The following ANO3 variants were observed in gnomAD, a reference collection of about 807,000 sequenced individuals.
The protein encoded by ANO3 is anoctamin 3, also known as anoctamin-3.
Under a neutral mutation model 144.8 loss-of-function variants are expected in ANO3, and 99 were observed. The ratio of observed to expected loss-of-function variants is 0.68; its 90% confidence interval spans 0.58 to 0.81. The LOEUF (loss-of-function observed/expected upper bound fraction) is 0.81, where lower values mean the gene tolerates loss of function less well. Among genes scored for constraint, ANO3 ranks in the 30% least tolerant of loss-of-function variants. ANO3 has a pLI of 0.00. For synonymous variants in ANO3, 414 were observed against 392.6 expected (o/e 1.05, Z -0.64); for missense variants, 905 against 1,202.2 (o/e 0.75, Z 3.66).
intron 3 of ANO3, among the ~76,000 whole-genome samples, chr11:26,451,730 C>T (rs1309289612): frequency 6.6e-6 from 1 of 152,184 alleles, no homozygotes; most frequent in Non-Finnish European, 1.5e-5. Context: ...TTGAAGAGAG[C>T]AGTGGTTCTC....
intron 14 of ANO3, among the ~76,000 whole-genome samples, chr11:26,584,288 A>T (rs1851216283): frequency 6.6e-6 from 1 of 152,034 alleles, no homozygotes; most frequent in Non-Finnish European, 1.5e-5. Context: ...CCTCCCATGT[A>T]GCTGGGATTA....
rs199827545 is a variant in ANO3 at position 26,406,986 on chromosome 11, TTATAGGTGTGTATATA to T, written c.47-34911_47-34896del. Among the ~76,000 whole-genome samples, 165 of 140,742 alleles carry T rather than the reference TTATAGGTGTGTATATA, an allele frequency of 1.2e-3. 2 individuals carry two copies. Among genetic ancestry groups the T allele is most frequent in the African/African-American group, 3.9e-3 (152 of 38,624 alleles). The allele number at this position is 140,742 out of a possible 152,430, so 92.3% of individuals were successfully genotyped here. On this transcript the variant is annotated intron_variant, in intron 1 of 26. Coordinates refer to ENST00000256737, the MANE Select transcript of ANO3 (RefSeq NM_031418.4). ...TATACACACACGTATATATATATAT[TTATAGGTGTGTATATA>T]TATAGGTGTGTATATATATATAGGT...
At chr11:26,404,931 A>ATG (rs779394110) in intron 1 of ANO3, among the ~76,000 whole-genome samples, 439 of 39,272 alleles carry the variant, frequency 0.011, 5 homozygotes, top group East Asian at 0.042. Context: ...GAATTTATAT[A>ATG]TATGTGTGTG....
chr11:26,576,118 G>C (rs1014691824), intron 14 of ANO3, among the ~76,000 whole-genome samples: 2 of 152,142 alleles, frequency 1.3e-5, no homozygotes, highest in Non-Finnish European at 2.9e-5. Flanking sequence ...TAATCACCAA[G>C]GAAGCAGTGT....
chr11:26,246,815 T>G lies in ANO3; in HGVS notation c.154+57485T>G, dbSNP rs78620294. On this transcript the variant is annotated intron_variant, in intron 1 of 27. Coordinates refer to the ANO3 transcript ENST00000672621. The stretch of plus-strand genomic sequence containing the variant: ...GATCTGATGATTTTATAAAAGGCAG[T>G]TCCCCTGTCCAAGCCTTCTTGCCTA... Among the ~76,000 whole-genome samples the G allele has an allele frequency of 8.7e-3, 1,331 of 152,130 alleles. 19 individuals are homozygous for G. The highest frequency in any genetic ancestry group is 0.031 in the African/African-American group (1,276 of 41,500).
At chr11:26,391,822 T>G (rs1564998642) in intron 1 of ANO3, among the ~76,000 whole-genome samples, 1 of 152,128 alleles carries the variant, frequency 6.6e-6, no homozygotes, top group Non-Finnish European at 1.5e-5. Flanking sequence ...ATGGAAACAC[T>G]CATACATTCT....
intron 11 of ANO3, among the ~76,000 whole-genome samples, chr11:26,546,277 G>C (rs921881612): frequency 6.6e-6 from 1 of 151,838 alleles, no homozygotes; most frequent in Non-Finnish European, 1.5e-5. Context: ...TCCTAGGAGA[G>C]AGAGATAAAT....
intron 17 of ANO3, among the ~76,000 whole-genome samples, chr11:26,611,696 G>T (rs1852103582): frequency 2.6e-5 from 4 of 152,042 alleles, no homozygotes; most frequent in Admixed American, 2.6e-4. Flanking sequence ...CCACTGTTGA[G>T]GGTGGGGTGT....
intron 1 of ANO3, among the ~76,000 whole-genome samples, chr11:26,251,012 G>A (rs760948644): frequency 6.6e-6 from 1 of 152,150 alleles, no homozygotes; most frequent in Non-Finnish European, 1.5e-5. Flanking sequence ...CTGACTGGGA[G>A]CTGTGGTTCT....
At chr11:26,625,380 A>AGT (rs752341176) in intron 18 of ANO3, among the ~76,000 whole-genome samples, 17 of 152,310 alleles carry the variant, frequency 1.1e-4, no homozygotes, top group South Asian at 4.1e-4. Flanking sequence ...TGTTCCCTGC[A>AGT]GTGCCCTGTC....
chr11:26,465,527 G>T (rs888155194), intron 4 of ANO3, among the ~76,000 whole-genome samples: 18 of 151,776 alleles, frequency 1.2e-4, no homozygotes, highest in African/African-American at 4.4e-4. Flanking sequence ...AGGGGGGAAA[G>T]TAACTCCTAA....
chr11:26,346,082 A>G (rs1361302490), intron 1 of ANO3, among the ~76,000 whole-genome samples: 2 of 152,206 alleles, frequency 1.3e-5, no homozygotes, highest in African/African-American at 2.4e-5. Context: ...CATAGATCTT[A>G]TATTTACACT....
chr11:26,458,305 C>T (rs1859244512), intron 3 of ANO3, among the ~76,000 whole-genome samples: 1 of 152,084 alleles, frequency 6.6e-6, no homozygotes, highest in African/African-American at 2.4e-5. Context: ...ATATGACTGT[C>T]TCCATTGTTG....
At chr11:26,346,633 G>C (rs1273830101) in intron 1 of ANO3, among the ~76,000 whole-genome samples, 1 of 152,180 alleles carries the variant, frequency 6.6e-6, no homozygotes, top group African/African-American at 2.4e-5. Flanking sequence ...CAGAGATCAT[G>C]AAGTGACTTA....
rs530274308 is a variant in ANO3, at chr11:26,516,746, C to G, written c.592-81C>G. 1.3e-4 allele frequency: 128 copies of G among 972,512 alleles called. 2 individuals carry two copies. The East Asian group carries it at 1.6e-3, about 12-fold the overall frequency. The allele number at this position is 972,512 out of a possible 1,614,324, so 60.2% of individuals were successfully genotyped here. ...CATGCATAGTCAAGGGGACAATGTT[C>G]TTTATTCCCAAATCAAACTGTGGCA... is the stretch of plus-strand genomic sequence containing the variant. On this transcript the variant is annotated intron_variant, in intron 5 of 26. Coordinates refer to ENST00000256737, the MANE Select transcript of ANO3 (RefSeq NM_031418.4).
upstream of ANO3, chr11:26,309,559 T>C (rs1245150869): frequency 1.5e-5 from 10 of 653,990 alleles, no homozygotes; most frequent in Non-Finnish European, 1.9e-5. Flanking sequence ...GAAAAGCTCT[T>C]CTTTTCCATG....
intron 1 of ANO3, among the ~76,000 whole-genome samples, chr11:26,387,972 ATC>A (rs1856778330): frequency 6.6e-6 from 1 of 151,820 alleles, no homozygotes; most frequent in Non-Finnish European, 1.5e-5. Flanking sequence ...ACCACTCACT[ATC>A]TCTCTTCTAG....
At chr11:26,555,270 G>T (rs1850051588) in intron 13 of ANO3, among the ~76,000 whole-genome samples, 1 of 152,146 alleles carries the variant, frequency 6.6e-6, no homozygotes, top group African/African-American at 2.4e-5. Flanking sequence ...GTTATTAGAT[G>T]TATACACATA....
intron 1 of ANO3, among the ~76,000 whole-genome samples, chr11:26,396,052 A>T (rs1166773614): frequency 6.6e-6 from 1 of 152,114 alleles, no homozygotes; most frequent in Non-Finnish European, 1.5e-5. Context: ...CATCTGATGC[A>T]GGGCTAATAT....
Sources: gnomAD v4.1 joint callset for allele counts (sites outside exome capture counted in the v4.1 genomes callset) on GRCh38, gnomAD v4.1.1 for gene constraint, MANE v1.5 for transcripts, NCBI Gene and HGNC (gene_info 2026-07-23, HGNC 2026-07-21) for gene names.